NKAIN2: variants seen among roughly 807,000 people sequenced by gnomAD.
NKAIN2 encodes the protein sodium/potassium transporting ATPase interacting 2.
NKAIN2 carries 14 observed loss-of-function variants against 32.6 expected under a neutral mutation model. The ratio of observed to expected loss-of-function variants is 0.43; its 90% CI spans 0.28 to 0.67. The LOEUF (loss-of-function observed/expected upper bound fraction) is 0.67, where lower values mean the gene tolerates loss of function less well. NKAIN2 is among the 30% of genes least tolerant of loss of function. NKAIN2 has a pLI of 0.17. For synonymous variants in NKAIN2, 80 were observed against 87.2 expected (o/e 0.92, Z 0.46); for missense variants, 198 against 258.3 (o/e 0.77, Z 1.60).
At chr6:124,512,379 A>G (rs1562230489) in intron 3 of NKAIN2, among the ~76,000 whole-genome samples, 1 of 152,182 alleles carries the variant, frequency 6.6e-6, no homozygotes, top group Non-Finnish European at 1.5e-5. Context: ...GATGTCATTT[A>G]TGTTTCAATA....
chr6:124,116,862 A>C (rs900476600), intron 1 of NKAIN2, among the ~76,000 whole-genome samples: 1 of 152,104 alleles, frequency 6.6e-6, no homozygotes, highest in African/African-American at 2.4e-5. Context: ...TATTTAGTTA[A>C]TGTTTATGAA....
chr6:124,637,575 A>C, intron 3 of NKAIN2, among the ~76,000 whole-genome samples: 1 of 152,090 alleles, frequency 6.6e-6, no homozygotes, highest in Non-Finnish European at 1.5e-5. Context: ...TAAAGTTACA[A>C]GATATAAAAT....
At chr6:124,230,443 T>G (rs2114732632) in intron 1 of NKAIN2, among the ~76,000 whole-genome samples, 1 of 152,282 alleles carries the variant, frequency 6.6e-6, no homozygotes, top group South Asian at 2.1e-4. Context: ...TTTGCATAAG[T>G]GATAAACAGC....
At position 124,825,391 on chromosome 6, in the gene NKAIN2, C is replaced by T. The variant is rs1781545547; in HGVS notation, c.*2162C>T. On this transcript the variant is annotated 3_prime_UTR_variant, in exon 7 of 7. Transcript: ENST00000368417. Reference sequence around the variant, plus strand: ...ACAGGTCATTTATGGGATCAGTAAGCACAGTAGTGTGATTATATCTGGGAA... The same window carrying T: ...ACAGGTCATTTATGGGATCAGTAAGTACAGTAGTGTGATTATATCTGGGAA... 3 of 152,566 alleles carry T rather than the reference C, an allele frequency of 2.0e-5. No homozygotes were observed. The highest frequency in any genetic ancestry group is 4.4e-5 in the Non-Finnish European group (3 of 68,020). The allele number at this position is 152,566 out of a possible 1,614,324, so 9.5% of individuals were successfully genotyped here. A position where few individuals can be genotyped will look rare whatever the true frequency, so the allele number is the denominator to read the frequency against.
At chr6:124,559,487 G>A (rs928829561) in intron 3 of NKAIN2, among the ~76,000 whole-genome samples, 3 of 152,102 alleles carry the variant, frequency 2.0e-5, no homozygotes, top group Non-Finnish European at 2.9e-5. Flanking sequence ...CAACATTATG[G>A]CTGACCCTGC....
At chr6:124,134,848 T>G (rs1786655227) in intron 1 of NKAIN2, among the ~76,000 whole-genome samples, 3 of 152,284 alleles carry the variant, frequency 2.0e-5, no homozygotes, top group Admixed American at 1.3e-4. Flanking sequence ...GACATCAGGT[T>G]ATCTAAAGTC....
chr6:123,898,858 G>C (rs933009966), intron 1 of NKAIN2, among the ~76,000 whole-genome samples: 4 of 152,170 alleles, frequency 2.6e-5, no homozygotes, highest in African/African-American at 9.6e-5. Flanking sequence ...TTCTCCCCAG[G>C]CTTCCTCCTG....
intron 3 of NKAIN2, among the ~76,000 whole-genome samples, chr6:124,379,363 AAGG>A (rs1244606995): frequency 7.0e-6 from 1 of 143,564 alleles, no homozygotes; most frequent in Non-Finnish European, 1.5e-5. Flanking sequence ...GGGAGAGAGA[AAGG>A]AGAGAAGGGA....
chr6:124,464,413 G>A (rs1225826350), intron 3 of NKAIN2, among the ~76,000 whole-genome samples: 2 of 150,786 alleles, frequency 1.3e-5, no homozygotes, highest in Admixed American at 6.7e-5. Context: ...GGTAAAAATA[G>A]CCATGAATTA....
chr6:124,326,030 T>A (rs1197520550), intron 2 of NKAIN2, among the ~76,000 whole-genome samples: 1 of 151,758 alleles, frequency 6.6e-6, no homozygotes, highest in African/African-American at 2.4e-5. Flanking sequence ...CCTGTTTCTG[T>A]GTGTGTGTAT....
chr6:123,842,281 T>C (rs767175350), intron 1 of NKAIN2, among the ~76,000 whole-genome samples: 11 of 152,190 alleles, frequency 7.2e-5, no homozygotes, highest in Non-Finnish European at 1.2e-4. Context: ...AGCTGAGAAA[T>C]CCAAGATCAA....
At chr6:124,692,531 T>A (rs1774306944) in intron 4 of NKAIN2, among the ~76,000 whole-genome samples, 1 of 152,104 alleles carries the variant, frequency 6.6e-6, no homozygotes, top group East Asian at 1.9e-4. Flanking sequence ...TTACGTAACA[T>A]GAGGGCCGGG....
In NKAIN2 at chr6:124,753,565, T is replaced by G. The variant is rs189648978; in HGVS notation, c.475-37774T>G. On this transcript the variant is annotated intron_variant, in intron 4 of 6. Coordinates refer to ENST00000368417, the MANE Select transcript of NKAIN2 (RefSeq NM_001040214.3). ...TGGACCACAATGGGCATGAAGCATA[T>G]GAGGATTTATATCAAGAGTCAAAAT... Among the ~76,000 whole-genome samples, 112 of 152,192 alleles carry G rather than the reference T, an allele frequency of 7.4e-4. 1 individual carries two copies. The highest frequency in any genetic ancestry group is 2.7e-3 in the African/African-American group (112 of 41,548).
intron 2 of NKAIN2, among the ~76,000 whole-genome samples, chr6:124,347,938 GCT>G (rs1214086157): frequency 2.6e-5 from 4 of 152,134 alleles, no homozygotes; most frequent in African/African-American, 7.2e-5. Context: ...CAGTTTTTCT[GCT>G]CTGTTTTTTC....
chr6:123,858,063 A>T (rs1055554661), intron 1 of NKAIN2, among the ~76,000 whole-genome samples: 5 of 152,174 alleles, frequency 3.3e-5, no homozygotes, highest in African/African-American at 1.2e-4. Flanking sequence ...GAAGAAAGGA[A>T]TTTAAATATT....
intron 4 of NKAIN2, among the ~76,000 whole-genome samples, chr6:124,759,580 GAAATTGC>G (rs1286004744): frequency 1.5e-5 from 2 of 129,286 alleles, no homozygotes; most frequent in Non-Finnish European, 1.6e-5. Flanking sequence ...CACCCTGTCT[GAAATTGC>G]AACACACACA....
intron 3 of NKAIN2, among the ~76,000 whole-genome samples, chr6:124,421,786 G>T (rs1024875684): frequency 6.6e-6 from 1 of 152,126 alleles, no homozygotes; most frequent in African/African-American, 2.4e-5. Flanking sequence ...TTTTCAAATT[G>T]ACTCACATTT....
intron 3 of NKAIN2, among the ~76,000 whole-genome samples, chr6:124,432,043 C>T (rs1400417492): frequency 6.6e-6 from 1 of 152,118 alleles, no homozygotes; most frequent in Non-Finnish European, 1.5e-5. Context: ...AAACTCCCTT[C>T]TTAATTTGAA....
chr6:124,258,988 A>G (rs2114835396), intron 1 of NKAIN2, among the ~76,000 whole-genome samples: 1 of 152,228 alleles, frequency 6.6e-6, no homozygotes, highest in Non-Finnish European at 1.5e-5. Context: ...TGCTTTGTAA[A>G]TCCAGATGAA....
Sources: allele counts gnomAD v4.1 joint callset (sites outside exome capture counted in the v4.1 genomes callset), GRCh38; gene constraint gnomAD v4.1.1; transcripts MANE v1.5; gene names NCBI Gene and HGNC (gene_info 2026-07-23, HGNC 2026-07-21).